GABRB3: variants seen among roughly 807,000 people sequenced by gnomAD.
GABRB3 encodes gamma-aminobutyric acid receptor subunit beta-3.
Under a neutral mutation model 52.1 loss-of-function variants are expected in GABRB3, and 14 were observed. The observed-to-expected ratio is 0.27, with a 90% CI of 0.18 to 0.42. The LOEUF is 0.42. Ranked by LOEUF, GABRB3 falls within the 10% of genes least tolerant of loss-of-function variation. The pLI is 1.00. For synonymous variants in GABRB3, 260 were observed against 232.3 expected, an observed-to-expected ratio of 1.12 and a Z score of -1.08; for missense variants, 307 against 609.1, an observed-to-expected ratio of 0.50 and a Z score of 5.22.
chr15:26,625,372 G>A (rs1892651840), intron 3 of GABRB3: 4 of 587,168 alleles, frequency 6.8e-6, no homozygotes, highest in Admixed American at 1.3e-4. Flanking sequence ...AAGAAGCTTT[G>A]TAAAAGTATC....
chr15:26,561,892 G>T (rs976609718), intron 7 of GABRB3, among the ~76,000 whole-genome samples: 2 of 152,196 alleles, frequency 1.3e-5, no homozygotes, highest in Non-Finnish European at 2.9e-5. Context: ...AAGGGTTAAT[G>T]ATTTCATTCA....
At chr15:26,580,263 G>A in intron 6 of GABRB3, 56 bp downstream of exon 6, 1 of 1,608,294 alleles carries the variant, frequency 6.2e-7, no homozygotes, top group African/African-American at 1.3e-5. Context: ...TGTCACTCCA[G>A]TCACGCCCAT....
At chr15:26,744,186 T>C (rs760685666) in intron 3 of GABRB3, among the ~76,000 whole-genome samples, 24 of 152,192 alleles carry the variant, frequency 1.6e-4, no homozygotes, top group South Asian at 2.1e-4. Flanking sequence ...ATCCATGCAA[T>C]TGGGCATGGT....
chr15:26,772,104 G>C (rs1891162465), intron 3 of GABRB3: 1 of 346,190 alleles, frequency 2.9e-6, no homozygotes, highest in East Asian at 5.7e-5. Flanking sequence ...AGGCGACAGA[G>C]CGCTGGAGGA....
In GABRB3 at chr15:26,628,998, C is replaced by T; in HGVS notation, c.241-7464G>A. The T allele has an allele frequency of 6.5e-7, 1 of 1,536,142 alleles. No homozygotes were observed. ...TTACCTCTTCTGTCTGGTAGGTGGC[C>T]CACATGGGGACACGAGGGAGTCTCC... On this transcript the variant is annotated intron_variant, in intron 3 of 8. Transcript: ENST00000311550.
intron 4 of GABRB3, among the ~76,000 whole-genome samples, chr15:26,604,078 G>A (rs1321737988): frequency 1.3e-5 from 2 of 151,980 alleles, no homozygotes; most frequent in African/African-American, 4.8e-5. Context: ...AAAGTTGCAG[G>A]ATACAAAATC....
At chr15:26,679,165 A>G (rs2140644580) in intron 3 of GABRB3, among the ~76,000 whole-genome samples, 1 of 152,188 alleles carries the variant, frequency 6.6e-6, no homozygotes, top group East Asian at 1.9e-4. Flanking sequence ...GTTGTCTTTT[A>G]TTTGAATGTG....
At chr15:26,575,379 G>T (rs1245427944) in intron 6 of GABRB3, among the ~76,000 whole-genome samples, 1 of 152,176 alleles carries the variant, frequency 6.6e-6, no homozygotes, top group Non-Finnish European at 1.5e-5. Flanking sequence ...CAGGTGAATT[G>T]TCTCTAGGGA....
At chr15:26,669,491 C>T (rs1448088889) in intron 3 of GABRB3, among the ~76,000 whole-genome samples, 1 of 152,054 alleles carries the variant, frequency 6.6e-6, no homozygotes, top group African/African-American at 2.4e-5. Context: ...TATCATTTCA[C>T]TTCCTTAATT....
chr15:26,600,730 G>C (rs990958323), intron 4 of GABRB3, among the ~76,000 whole-genome samples: 5 of 152,110 alleles, frequency 3.3e-5, no homozygotes, highest in Non-Finnish European at 7.4e-5. Context: ...AATTGCTACA[G>C]GGAATTCTTT....
chr15:26,616,605 A>G (rs1892267091), intron 4 of GABRB3, among the ~76,000 whole-genome samples: 1 of 102,698 alleles, frequency 9.7e-6, no homozygotes, highest in African/African-American at 4.2e-5. Flanking sequence ...CTACACTTGA[A>G]AAAAAAAAAA....
intron 3 of GABRB3, among the ~76,000 whole-genome samples, chr15:26,766,810 A>C (rs1203753515): frequency 6.6e-6 from 1 of 152,142 alleles, no homozygotes; most frequent in East Asian, 1.9e-4. Flanking sequence ...TAAAGACAAC[A>C]TACCATAAGA....
intron 3 of GABRB3, among the ~76,000 whole-genome samples, chr15:26,687,059 T>C (rs1888430132): frequency 1.3e-5 from 2 of 152,232 alleles, no homozygotes; most frequent in South Asian, 4.1e-4. Flanking sequence ...CTCTGGGACC[T>C]AGGGCCTTCC....
chr15:26,576,231 G>C (rs1304576770), intron 6 of GABRB3, among the ~76,000 whole-genome samples: 1 of 152,196 alleles, frequency 6.6e-6, no homozygotes, highest in African/African-American at 2.4e-5. Context: ...TTCACAGCTT[G>C]TAACTGTTAC....
chr15:26,747,250 T>C (rs1890371655), intron 3 of GABRB3, among the ~76,000 whole-genome samples: 2 of 152,200 alleles, frequency 1.3e-5, no homozygotes. Context: ...AGTATGTTTG[T>C]CTGTGTGTAC....
chr15:26,630,743 C>G (rs1327720486), intron 3 of GABRB3, among the ~76,000 whole-genome samples: 1 of 152,054 alleles, frequency 6.6e-6, no homozygotes, highest in Non-Finnish European at 1.5e-5. Flanking sequence ...AATCGGGGGC[C>G]CTCTCCACAG....
chr15:26,772,310 C>A, intron 3 of GABRB3, 92 bp downstream of exon 3: 1 of 1,159,710 alleles, frequency 8.6e-7, no homozygotes. Flanking sequence ...CGGCCCCGGC[C>A]GAAGAGGCCT....
intron 3 of GABRB3, among the ~76,000 whole-genome samples, chr15:26,747,322 T>C (rs891504493): frequency 6.6e-6 from 1 of 152,232 alleles, no homozygotes; most frequent in African/African-American, 2.4e-5. Flanking sequence ...TTGTGGAGAA[T>C]TGACATTTTG....
At chr15:26,717,762 C>CT (rs1430179458) in intron 3 of GABRB3, among the ~76,000 whole-genome samples, 1 of 152,182 alleles carries the variant, frequency 6.6e-6, no homozygotes, top group Admixed American at 6.5e-5. Flanking sequence ...ACAGACACCT[C>CT]TTTACAAGCT....
Sources: allele counts gnomAD v4.1 joint callset (sites outside exome capture counted in the v4.1 genomes callset), GRCh38; gene constraint gnomAD v4.1.1; transcripts MANE v1.5; gene names NCBI Gene and HGNC (gene_info 2026-07-23, HGNC 2026-07-21).